The following DSP variants were observed in gnomAD, a reference collection of about 807,000 sequenced individuals.
DSP encodes 250/210 kDa paraneoplastic pemphigus antigen.
In DSP, 114 loss-of-function variants were observed where a neutral mutation model predicts 290.6. The ratio of observed to expected loss-of-function variants is 0.39; its 90% CI spans 0.34 to 0.46. DSP has a LOEUF of 0.46. Ranked by LOEUF, DSP falls within the 20% of genes least tolerant of loss-of-function variation. The pLI is 0.99. For missense variants in DSP, 3,230 were observed against 3,495.8 expected, an observed-to-expected ratio of 0.92 and a Z score of 1.92; for synonymous variants, 1,311 against 1,316.4, an observed-to-expected ratio of 1.00 and a Z score of 0.09.
rs1239813518 is a variant in DSP at position 7,577,794 on chromosome 6, C to G, written c.2893C>G (p.Leu965Val). 3.1e-6 allele frequency: 5 copies of G among 1,613,852 alleles called. No homozygotes were observed. Among genetic ancestry groups the G allele is most frequent in the Non-Finnish European group, 3.4e-6 (4 of 1,179,758 alleles). The change falls in exon 21 of 24, where the codon CTG (leucine) becomes GTG (valine). Residue 965 changes from leucine (L) to valine (V), a missense_variant. By Grantham distance (32) the Leu-to-Val change is conservative. Coordinates refer to ENST00000379802, the MANE Select transcript of DSP (RefSeq NM_004415.4). Reference protein sequence around the residue: ...ANSIKDYELQLASYTSGLETL... With the variant: ...ANSIKDYELQVASYTSGLETL... ...TATGCTGCAGGATTATGAGCTCCAG[C>G]TGGCCTCATACACCTCAGGACTGGA...
At chr6:7,568,648 T>A in intron 11 of DSP, 59 bp downstream of exon 11, 6 of 1,596,086 alleles carry the variant, frequency 3.8e-6, no homozygotes, top group Non-Finnish European at 4.3e-6. Flanking sequence ...CAAATTTTTG[T>A]CCATCAAGAA....
chr6:7,549,152 ATTT>A (rs33986567), intron 1 of DSP, among the ~76,000 whole-genome samples: 1 of 149,412 alleles, frequency 6.7e-6, no homozygotes. Flanking sequence ...TGTTTAATGA[ATTT>A]TTTTTTTTTT....
At chr6:7,554,125 A>ACACACAC (rs772041102) in intron 1 of DSP, among the ~76,000 whole-genome samples, 1 of 144,400 alleles carries the variant, frequency 6.9e-6, no homozygotes, top group African/African-American at 2.7e-5. Context: ...ACACACACAC[A>ACACACAC]CCCAGTTGGT....
In DSP at chr6:7,571,904, G is replaced by A. The variant is rs773102507; in HGVS notation, c.1966G>A (p.Glu656Lys). The change falls in exon 15 of 24, where the codon GAA becomes AAA. Residue 656 changes from glutamate to lysine, a missense_variant. By Grantham distance (56) the Glu-to-Lys change is moderately conservative. Around this residue, in one of 5 missense-constraint regions of DSP, gnomAD observed 1,714 missense variants for 1,844.5 expected, o/e 0.93. Transcript: ENST00000379802. ...CQDVNHNKVI[E>K]TNRENDKQET... ...AGATGTCAACCATAATAAAGTAATT[G>A]AAACCAACAGAGAAAATGACAAGCA... 1.9e-6 allele frequency: 3 copies of A among 1,613,978 alleles called. No individual in the cohort carries two copies. In the East Asian group the frequency reaches 6.7e-5, roughly 36 times the overall value.
At chr6:7,570,328 C>A in intron 12 of DSP, 109 bp from the exon 13 acceptor site, 1 of 1,513,834 alleles carries the variant, frequency 6.6e-7, no homozygotes, top group Non-Finnish European at 9.1e-7. Flanking sequence ...GTTACTTTAT[C>A]AGTGACTGTT....
intron 11 of DSP, among the ~76,000 whole-genome samples, chr6:7,568,904 C>T (rs781388699): frequency 1.3e-5 from 2 of 152,126 alleles, no homozygotes; most frequent in African/African-American, 2.4e-5. Context: ...AGAAATGATG[C>T]TTTTATGTTG....
At position 7,565,421 on chromosome 6, in the gene DSP, C is replaced by T; in HGVS notation, c.840C>T (p.Ser280=). 6.2e-7 allele frequency: 1 copy of T among 1,614,120 alleles called. No homozygotes were observed. The highest frequency in any genetic ancestry group is 1.1e-5 in the South Asian group (1 of 91,076). The stretch of plus-strand genomic sequence containing the variant: ...TGCAGAACATCATTCAGGCCACGTC[C>T]AGGGAGATCATGTGGATCAATGACT... ...RQLQNIIQAT[S]REIMWINDCE... The change falls in exon 7 of 24, where the codon TCC becomes TCT. Residue 280 remains serine (S), a synonymous_variant. Transcript: ENST00000379802. This position sits in a 1 kb window ranked among gnomAD's most constrained non-coding sequence, Gnocchi z 4.2.
intron 3 of DSP, among the ~76,000 whole-genome samples, chr6:7,558,507 C>CTTTTTT (rs145193988): frequency 2.0e-4 from 21 of 104,544 alleles, no homozygotes; most frequent in South Asian, 3.2e-4. Flanking sequence ...TGGCATTTGA[C>CTTTTTT]TTTTTTTTTT....
At position 7,569,278 on chromosome 6, in the gene DSP, T is replaced by C. The variant is rs537526794; in HGVS notation, c.1512T>C (p.Leu504=). Residue 504 remains leucine (L), a synonymous_variant, in exon 12 of 24, where the codon CTT becomes CTC. Coordinates refer to ENST00000379802, the MANE Select transcript of DSP (RefSeq NM_004415.4). ...YVTGPGGVDM[L]VPSVGLIIPP... Reference sequence around the variant, plus strand: ...CGGGCCCGGGAGGCGTTGACATGCTTGTTCCCTCTGTGGGGCTGATCATCC... The same window carrying C: ...CGGGCCCGGGAGGCGTTGACATGCTCGTTCCCTCTGTGGGGCTGATCATCC... 28 of 1,614,036 alleles carry C rather than the reference T, an allele frequency of 1.7e-5. No homozygotes were observed. In the African/African-American group the frequency reaches 2.3e-4, roughly 13 times the overall value.
intron 10 of DSP, among the ~76,000 whole-genome samples, 189 bp from the exon 11 acceptor site, chr6:7,568,248 G>T (rs1758922624): frequency 6.6e-6 from 1 of 152,146 alleles, no homozygotes; most frequent in Non-Finnish European, 1.5e-5. Context: ...ATTCCTGCCT[G>T]CATAGCTTCT....
intron 1 of DSP, among the ~76,000 whole-genome samples, chr6:7,552,873 CTG>C (rs1758385341): frequency 6.6e-6 from 1 of 152,138 alleles, no homozygotes; most frequent in African/African-American, 2.4e-5. Flanking sequence ...TCGTTTCTAA[CTG>C]TGGTATAACT....
intron 1 of DSP, among the ~76,000 whole-genome samples, chr6:7,553,948 C>T (rs1758414545): frequency 1.3e-5 from 2 of 152,244 alleles, no homozygotes; most frequent in Non-Finnish European, 2.9e-5. Context: ...AAAAGAAATG[C>T]TTTCCCATGG....
intron 1 of DSP, among the ~76,000 whole-genome samples, chr6:7,548,651 ACT>A (rs1156615361): frequency 6.6e-6 from 1 of 152,224 alleles, no homozygotes; most frequent in Non-Finnish European, 1.5e-5. Flanking sequence ...TTATTAGAGT[ACT>A]GTTTCTGTAG....
chr6:7,544,208 G>T (rs1758104663), intron 1 of DSP, among the ~76,000 whole-genome samples: 1 of 152,204 alleles, frequency 6.6e-6, no homozygotes, highest in Non-Finnish European at 1.5e-5. Context: ...GCCTGCAGTG[G>T]TGCTACTGAC....
chr6:7,560,716 A>G (rs1419761387), intron 4 of DSP, among the ~76,000 whole-genome samples: 12 of 152,208 alleles, frequency 7.9e-5, no homozygotes, highest in Admixed American at 7.9e-4. Context: ...AGCGGAGCTG[A>G]TGGGGCTTAA....
chr6:7,581,164 T>G lies in DSP; in HGVS notation c.4974T>G (p.Ser1658=), dbSNP rs1175554437. ...QRTQEELRRL[S]SEVEALRRQL... ...CCCAGGAAGAGCTGAGGAGGCTCTC[T>G]TCTGAGGTCGAGGCCCTGAGGCGGC... The change falls in exon 23 of 24, where the codon TCT becomes TCG. Residue 1658 remains serine, a synonymous_variant. Transcript: ENST00000379802. 1 of 1,614,168 alleles carries G rather than the reference T, an allele frequency of 6.2e-7. No individual in the cohort carries two copies. Among genetic ancestry groups the G allele is most frequent in the Admixed American group, 1.7e-5 (1 of 60,022 alleles).
chr6:7,575,502 C>G lies in DSP; in HGVS notation c.2630+14C>G. On this transcript the variant is annotated intron_variant, in intron 18 of 23. Coordinates refer to ENST00000379802, the MANE Select transcript of DSP (RefSeq NM_004415.4). ...GATCGACTTTAGGTATGCCAGCCTC[C>G]TCCCGCTCCTTCCCCATCTTCTCCC... 1 of 1,614,064 alleles carries G rather than the reference C, an allele frequency of 6.2e-7. No homozygotes were observed. The highest frequency in any genetic ancestry group is 1.3e-5 in the African/African-American group (1 of 75,046).
rs1203775133 is a variant in DSP, at chr6:7,542,279, C to T, written c.170+194C>T. ...CGTGCGGGGACAGGTTGGCCCCTGT[C>T]CTGCGAACAGGGACTCGGTCGTACC... On this transcript the variant is annotated intron_variant, in intron 1 of 23. Transcript: ENST00000379802. 3.3e-5 allele frequency among the ~76,000 whole-genome samples: 3 copies of T among 91,970 alleles called. No individual in the cohort carries two copies. In the South Asian group the frequency reaches 1.1e-3, roughly 34 times the overall value. 60.3% of individuals were successfully genotyped at this position (91,970 alleles called of 152,430 possible). A position where few individuals can be genotyped will look rare whatever the true frequency, so the allele number is the denominator to read the frequency against.
intron 20 of DSP, among the ~76,000 whole-genome samples, 164 bp downstream of exon 20, chr6:7,577,206 A>T (rs895984223): frequency 6.6e-6 from 1 of 152,224 alleles, no homozygotes; most frequent in Admixed American, 6.5e-5. Flanking sequence ...TATTAGCTTG[A>T]ATTCATTCCA....
Sources: allele counts gnomAD v4.1 joint callset (sites outside exome capture counted in the v4.1 genomes callset), GRCh38; gene constraint gnomAD v4.1.1; regional missense constraint gnomAD v4.1.1; non-coding constraint Gnocchi (gnomAD v3.1); transcripts MANE v1.5; gene names NCBI Gene and HGNC (gene_info 2026-07-23, HGNC 2026-07-21).